SCRIB: variants seen among roughly 807,000 people sequenced by gnomAD.
SCRIB encodes protein scribble homolog.
SCRIB carries 72 observed loss-of-function variants against 170.0 expected under a neutral mutation model. That is an observed-to-expected ratio of 0.42 (90% CI 0.35 to 0.52). The LOEUF is 0.52. Among genes scored for constraint, SCRIB ranks in the 20% least tolerant of loss-of-function variants. The probability of loss-of-function intolerance (pLI) is 0.02; values close to 1 mark genes in which losing one functional copy is unlikely to be tolerated. For missense variants in SCRIB, 2,475 were observed against 2,338.5 expected (o/e 1.06, Z -1.20); for synonymous variants, 1,298 against 1,044.3 (o/e 1.24, Z -4.68).
At chr8:143,793,433 CAG>C (rs782178689) in intron 28 of SCRIB, 407 of 299,424 alleles carry the variant, frequency 1.4e-3, no homozygotes, top group East Asian at 3.3e-3. Flanking sequence ...GTGGGAGAGA[CAG>C]AGAGAGAGAG....
chr8:143,811,425 A>G, intron 9 of SCRIB, 80 bp from the exon 10 acceptor site: 1 of 1,317,292 alleles, frequency 7.6e-7, no homozygotes, highest in Middle Eastern at 2.0e-4. Flanking sequence ...GCAGGAGGGC[A>G]CAGACACCCC....
rs1430874801 is a variant in SCRIB at position 143,813,805 on chromosome 8, G to A, written c.356+13C>T. 5.6e-6 allele frequency: 9 copies of A among 1,608,108 alleles called. No homozygotes were observed. Among genetic ancestry groups the A allele is most frequent in the Non-Finnish European group, 7.7e-6 (9 of 1,176,324 alleles). ...CATAGCCCCTACCGACCCCACCACA[G>A]GCTGCCACCCACCTGGAGAGGGGGT... On this transcript the variant is annotated intron_variant, in intron 3 of 36. Transcript: ENST00000356994.
chr8:143,807,012 A>G lies in SCRIB; in HGVS notation c.2180T>C (p.Leu727Pro). The change falls in exon 17 of 37, where the codon CTG becomes CCG. Residue 727 changes from leucine to proline, a missense_variant and splice_region_variant. Leu to Pro is a moderately conservative substitution (Grantham distance 98, BLOSUM62 -3). This residue lies in a region of SCRIB where 1,966 missense variants were observed against 1,742.9 expected (regional missense o/e 1.13). Transcript: ENST00000356994. ...AGTCTGCCGCAGGATAGTGAGGGTC[A>G]GCTGGAAACAGAACAGACAGGGTGT... The part of the protein sequence containing the change: ...IEPARIEEEE[L>P]TLTILRQTGG... The G allele has an allele frequency of 6.2e-7, 1 of 1,609,264 alleles. No individual in the cohort carries two copies. The highest frequency in any genetic ancestry group is 8.5e-7 in the Non-Finnish European group (1 of 1,177,394).
In SCRIB at chr8:143,793,060, A is replaced by T. The variant is rs1366366926; in HGVS notation, c.3933T>A (p.Asp1311Glu). 3 of 1,483,764 alleles carry T rather than the reference A, an allele frequency of 2.0e-6. No individual in the cohort carries two copies. Among genetic ancestry groups the T allele is most frequent in the Non-Finnish European group, 2.7e-6 (3 of 1,113,924 alleles). 91.9% of individuals were successfully genotyped at this position (1,483,764 alleles called of 1,614,324 possible). ...CCTGCTTCACATTGGCGGGCAGCTC[A>T]TCCGGAGAAGGCGGGGAGGGCGGCT... ...GQQPPSPPSP[D>E]ELPANVKQAY... The change falls in exon 29 of 37, where the codon GAT becomes GAA. Residue 1311 changes from aspartate (D) to glutamate (E), a missense_variant. This residue lies in a region of SCRIB where 1,966 missense variants were observed against 1,742.9 expected (regional missense o/e 1.13). Transcript: ENST00000356994.
chr8:143,809,235 T>A (rs1427851663), intron 14 of SCRIB, among the ~76,000 whole-genome samples: 2 of 150,974 alleles, frequency 1.3e-5, no homozygotes, highest in Non-Finnish European at 3.0e-5. Flanking sequence ...GCGCCCCAGG[T>A]GGAAACGAAG....
At chr8:143,809,155 G>T in intron 14 of SCRIB, 130 bp from the exon 15 acceptor site, 1 of 1,223,770 alleles carries the variant, frequency 8.2e-7, no homozygotes, top group Non-Finnish European at 1.1e-6. Flanking sequence ...AGCACTAACT[G>T]CCCAGTGAGG....
Position 143,792,316 on chromosome 8 carries a change from A to G in SCRIB, c.4418T>C (p.Val1473Ala). The G allele has an allele frequency of 6.4e-7, 1 of 1,551,654 alleles. No individual in the cohort carries two copies. The highest frequency in any genetic ancestry group is 8.7e-7 in the Non-Finnish European group (1 of 1,155,774). Residue 1473 changes from valine to alanine, a missense_variant, in exon 32 of 37, where the codon GTG (valine) becomes GCG (alanine). By Grantham distance (64) the Val-to-Ala change is moderately conservative. Transcript: ENST00000356994. ...AERRHQERLR[V>A]QSPEPPAPER... ...GGGTGCCGGTGGCTCCGGACTCTGC[A>G]CGCGCAGCCGCTCCTGGTGGCGCCG...
chr8:143,792,437 C>T, intron 31 of SCRIB, 32 bp from the exon 32 acceptor site: 1 of 1,503,840 alleles, frequency 6.6e-7, no homozygotes, highest in Non-Finnish European at 8.9e-7. Context: ...CTGTGGGGGG[C>T]AGGGGCACGT....
rs552327103 is a variant in SCRIB at position 143,792,309 on chromosome 8, A to G, written c.4425T>C (p.Ser1475=). ...CACGCTCGGGTGCCGGTGGCTCCGG[A>G]CTCTGCACGCGCAGCCGCTCCTGGT... ...RRHQERLRVQ[S]PEPPAPERAL... is the part of the protein sequence containing the mutation. The change falls in exon 32 of 37, where the codon AGT becomes AGC. Residue 1475 remains serine, a synonymous_variant. Transcript: ENST00000356994. 8.4e-6 allele frequency: 13 copies of G among 1,555,576 alleles called. No individual in the cohort carries two copies. The highest frequency in any genetic ancestry group is 7.1e-5 in the East Asian group (3 of 42,346).
chr8:143,808,868 A>G lies in SCRIB; in HGVS notation c.1856T>C (p.Leu619Pro). The stretch of plus-strand genomic sequence containing the variant: ...AGCCACAACGGCCTCGGGCTGGGGC[A>G]GCTTGGAGATCTTGAAGTGCTTTTT... ...HYKKHFKISK[L>P]PQPEAVVALL... Residue 619 changes from leucine (L) to proline (P), a missense_variant, in exon 15 of 37, where the codon CTG becomes CCG. This residue lies in a region of SCRIB where 1,966 missense variants were observed against 1,742.9 expected (regional missense o/e 1.13). Transcript: ENST00000356994. The G allele has an allele frequency of 1.2e-6, 2 of 1,610,128 alleles. No homozygotes were observed. The highest frequency in any genetic ancestry group is 8.5e-7 in the Non-Finnish European group (1 of 1,179,930).
At chr8:143,810,096 A>G (rs1276814772) in intron 13 of SCRIB, among the ~76,000 whole-genome samples, 1 of 151,988 alleles carries the variant, frequency 6.6e-6, no homozygotes, top group African/African-American at 2.4e-5. Flanking sequence ...CACAGCACGC[A>G]TGTCACAGCT....
intron 15 of SCRIB, 46 bp from the exon 16 acceptor site, chr8:143,807,660 G>C (rs782553727): frequency 1.4e-6 from 2 of 1,465,496 alleles, no homozygotes; most frequent in Non-Finnish European, 1.9e-6. Context: ...CCACCGCCAA[G>C]ACCACCACCA....
chr8:143,803,824 G>T lies in SCRIB; in HGVS notation c.3237C>A (p.Leu1079=), dbSNP rs1443648397. The T allele has an allele frequency of 1.9e-6, 3 of 1,604,278 alleles. No homozygotes were observed. The African/African-American group carries it at 4.0e-5, about 21-fold the overall frequency. ...GCAGCGACAGCTCCAGGCAGGGCCG[G>T]AGCAGGGCACTGACTGCTTCTTGGT... ...ATHQEAVSAL[L]RPCLELSLLV... is the part of the protein sequence containing the mutation. Residue 1079 remains leucine (L), a synonymous_variant, in exon 23 of 37, where the codon CTC becomes CTA. Coordinates refer to ENST00000356994, the MANE Select transcript of SCRIB (RefSeq NM_182706.5).
At chr8:143,806,623 CTG>C in intron 17 of SCRIB, 139 bp from the exon 18 acceptor site, 1 of 704,352 alleles carries the variant, frequency 1.4e-6, no homozygotes. Context: ...GCTCTAGCCA[CTG>C]TGGGATCCTG....
chr8:143,802,423 A>T (rs2130058266), intron 24 of SCRIB, among the ~76,000 whole-genome samples: 1 of 152,368 alleles, frequency 6.6e-6, no homozygotes, highest in South Asian at 2.1e-4. Context: ...TACAGAGAGG[A>T]AGCCATCTGT....
In SCRIB at chr8:143,792,621, G is replaced by A; in HGVS notation, c.4192C>T (p.Gln1398Ter). Residue 1398 changes from glutamine to a stop codon, truncating the protein, a stop_gained, in exon 31 of 37, where the codon CAG becomes TAG. Coordinates refer to ENST00000356994, the MANE Select transcript of SCRIB (RefSeq NM_182706.5). LOFTEE classifies it high-confidence loss of function. Reference protein sequence around the residue: ...MQEEEARKLQQKRAQMLREAA... With the variant: ...MQEEEARKLQ ...TCCCGCAGCATCTGCGCTCTCTTCTGCTGTAGTTTTCTGGCTGCCGGAGGG... is the reference window on the plus strand; with the variant it reads ...TCCCGCAGCATCTGCGCTCTCTTCTACTGTAGTTTTCTGGCTGCCGGAGGG... The A allele has an allele frequency of 6.3e-7, 1 of 1,594,592 alleles. No homozygotes were observed. The highest frequency in any genetic ancestry group is 8.5e-7 in the Non-Finnish European group (1 of 1,177,698).
rs781990972 is a variant in SCRIB, at chr8:143,795,466, C to T, written c.3668G>A (p.Ser1223Asn). ...CAGCTCCCGGTCGATGGAAGAGATGCTCTCCAGGCTGTTCCGGTGGCCGAT... is the reference window on the plus strand; with the variant it reads ...CAGCTCCCGGTCGATGGAAGAGATGTTCTCCAGGCTGTTCCGGTGGCCGAT... Reference protein sequence around the residue: ...AGIGHRNSLESISSIDRELSP... With the variant: ...AGIGHRNSLENISSIDRELSP... Residue 1223 changes from serine (S) to asparagine (N), a missense_variant, in exon 25 of 37, where the codon AGC (serine) becomes AAC (asparagine). Around this residue, in one of 3 missense-constraint regions of SCRIB, gnomAD observed 1,966 missense variants for 1,742.9 expected, o/e 1.13. Transcript: ENST00000356994. 26 of 1,613,308 alleles carry T rather than the reference C, an allele frequency of 1.6e-5. No individual in the cohort carries two copies. The South Asian group carries it at 2.9e-4, about 18-fold the overall frequency.
chr8:143,794,622 C>T (rs1233054957), intron 27 of SCRIB, among the ~76,000 whole-genome samples: 1 of 151,976 alleles, frequency 6.6e-6, no homozygotes, highest in Non-Finnish European at 1.5e-5. Context: ...GCCTGCACAT[C>T]CTCCTGCCTG....
At chr8:143,813,950 C>G (rs1314621457) in intron 2 of SCRIB, 51 bp downstream of exon 2, 3 of 1,582,908 alleles carry the variant, frequency 1.9e-6, no homozygotes, top group Non-Finnish European at 2.6e-6. Flanking sequence ...CCGTCTGCAG[C>G]CCCAGCGGAC....
Sources: gnomAD v4.1 joint callset for allele counts (sites outside exome capture counted in the v4.1 genomes callset) on GRCh38, gnomAD v4.1.1 for gene constraint, gnomAD v4.1.1 regional missense constraint, MANE v1.5 for transcripts, NCBI Gene and HGNC (gene_info 2026-07-23, HGNC 2026-07-21) for gene names.